The following NAALADL2 variants were observed in gnomAD, a reference collection of about 807,000 sequenced individuals.
The protein encoded by NAALADL2 is N-acetylated alpha-linked acidic dipeptidase like 2, also known as inactive N-acetylated-alpha-linked acidic dipeptidase-like protein 2.
NAALADL2 carries 76 observed loss-of-function variants against 87.2 expected under a neutral mutation model. That is an observed-to-expected ratio of 0.87 (90% confidence interval 0.72 to 1.05). NAALADL2 has a LOEUF of 1.05. NAALADL2 is among the 50% of genes least tolerant of loss of function. The probability of loss-of-function intolerance (pLI) is 0.00; values close to 1 mark genes in which losing one functional copy is unlikely to be tolerated. For missense variants in NAALADL2, 1,089 were observed against 945.8 expected (o/e 1.15, Z -1.99); for synonymous variants, 354 against 331.0 (o/e 1.07, Z -0.75).
chr3:175,467,133 T>C lies in NAALADL2; in HGVS notation c.1482T>C (p.Cys494=), dbSNP rs2149279723. Residue 494 remains cysteine, a synonymous_variant, in exon 8 of 14, where the codon TGT becomes TGC. Coordinates refer to ENST00000454872, the MANE Select transcript of NAALADL2 (RefSeq NM_207015.3). ...GWRPDRTIVF[C]SWGGTAFGNI... is the part of the protein sequence containing the mutation. The stretch of plus-strand genomic sequence containing the variant: ...GACCAGACCGAACTATTGTTTTCTG[T>C]TCTTGGGGAGGAACAGCTTTTGGCA... 6.2e-7 allele frequency: 1 copy of C among 1,613,908 alleles called. No homozygotes were observed. Among genetic ancestry groups the C allele is most frequent in the Non-Finnish European group, 8.5e-7 (1 of 1,179,840 alleles).
chr3:175,067,700 A>G (rs909158084), intron 1 of NAALADL2, among the ~76,000 whole-genome samples: 1 of 125,864 alleles, frequency 7.9e-6, no homozygotes, highest in African/African-American at 4.6e-5. Flanking sequence ...TCAAAGAACT[A>G]AAAGCAGAAC....
At chr3:175,288,113 A>G (rs9813863) in intron 4 of NAALADL2, among the ~76,000 whole-genome samples, 113,682 of 151,978 alleles carry the variant, frequency 0.75, 42,960 homozygotes, top group Non-Finnish European at 0.79. Context: ...CCAGAGTCTC[A>G]CTCCGTCTCC....
At chr3:174,974,763 C>T (rs1399045568) in intron 1 of NAALADL2, among the ~76,000 whole-genome samples, 1 of 151,832 alleles carries the variant, frequency 6.6e-6, no homozygotes, top group Non-Finnish European at 1.5e-5. Context: ...TCGGTCATTG[C>T]AGCTATTGAT....
At chr3:175,670,826 T>C (rs1733905945) in intron 11 of NAALADL2, among the ~76,000 whole-genome samples, 1 of 151,378 alleles carries the variant, frequency 6.6e-6, no homozygotes, top group African/African-American at 2.4e-5. Context: ...TGAAGAATGT[T>C]ATAAGTAAAA....
At chr3:174,992,817 G>A (rs73881586) in intron 1 of NAALADL2, among the ~76,000 whole-genome samples, 2,247 of 152,190 alleles carry the variant, frequency 0.015, 37 homozygotes, top group African/African-American at 0.051. Context: ...CTAGTCATCC[G>A]TGCATCTAAG....
At chr3:175,141,646 A>G (rs1730009966) in intron 2 of NAALADL2, among the ~76,000 whole-genome samples, 1 of 152,112 alleles carries the variant, frequency 6.6e-6, no homozygotes, top group Non-Finnish European at 1.5e-5. Flanking sequence ...TTTAGAGGAT[A>G]TCAGTTTAGA....
At chr3:174,681,298 G>A (rs1174149539) in intron 2 of NAALADL2, among the ~76,000 whole-genome samples, 1 of 152,152 alleles carries the variant, frequency 6.6e-6, no homozygotes, top group African/African-American at 2.4e-5. Context: ...AAGTGCTGAT[G>A]CTGTGTTAGG....
intron 1 of NAALADL2, among the ~76,000 whole-genome samples, chr3:175,088,128 T>C (rs959348431): frequency 6.6e-6 from 1 of 152,180 alleles, no homozygotes; most frequent in African/African-American, 2.4e-5. Flanking sequence ...GCAGTTAATC[T>C]AGAACTGAAT....
intron 3 of NAALADL2, among the ~76,000 whole-genome samples, chr3:174,800,087 T>G (rs1471485202): frequency 6.6e-6 from 1 of 152,118 alleles, no homozygotes; most frequent in African/African-American, 2.4e-5. Context: ...GGAAACAGCA[T>G]GAAAGTTTGG....
intron 1 of NAALADL2, among the ~76,000 whole-genome samples, chr3:174,511,013 G>A (rs1719566998): frequency 6.6e-6 from 1 of 151,794 alleles, no homozygotes; most frequent in African/African-American, 2.4e-5. Flanking sequence ...ATATATTTCT[G>A]TTACTGATTT....
At chr3:174,736,248 G>T (rs1733187856) in intron 2 of NAALADL2, among the ~76,000 whole-genome samples, 1 of 152,052 alleles carries the variant, frequency 6.6e-6, no homozygotes, top group African/African-American at 2.4e-5. Flanking sequence ...GGCGAGCAAG[G>T]GGCATGTTTC....
intron 1 of NAALADL2, among the ~76,000 whole-genome samples, chr3:175,026,319 G>T (rs78009497): frequency 0.23 from 35,280 of 151,430 alleles, 4,302 homozygotes; most frequent in African/African-American, 0.3. Flanking sequence ...AACAAATATT[G>T]TGCCACAAGT....
intron 2 of NAALADL2, among the ~76,000 whole-genome samples, chr3:175,201,551 C>G (rs761061755): frequency 1.3e-5 from 2 of 152,092 alleles, no homozygotes; most frequent in Non-Finnish European, 2.9e-5. Flanking sequence ...GACATTATAA[C>G]TAGGTTTGAC....
At chr3:174,975,834 A>C (rs1437585353) in intron 1 of NAALADL2, among the ~76,000 whole-genome samples, 1 of 152,186 alleles carries the variant, frequency 6.6e-6, no homozygotes, top group Non-Finnish European at 1.5e-5. Flanking sequence ...CTACAACCAC[A>C]AGGAACTAAA....
chr3:175,771,200 C>A (rs772975930), intron 13 of NAALADL2, among the ~76,000 whole-genome samples: 1 of 152,048 alleles, frequency 6.6e-6, no homozygotes, highest in Non-Finnish European at 1.5e-5. Context: ...TCCATAAAAT[C>A]ATATTTTCCA....
chr3:175,202,030 A>T (rs1258083278), intron 2 of NAALADL2, among the ~76,000 whole-genome samples: 1 of 152,130 alleles, frequency 6.6e-6, no homozygotes, highest in Non-Finnish European at 1.5e-5. Context: ...TCACAGCTCT[A>T]ACAAGGTCAT....
Position 174,891,899 on chromosome 3 carries a change from C to T in NAALADL2, c.43+32449C>T, listed in dbSNP as rs1164352500. On this transcript the variant is annotated intron_variant, in intron 1 of 13. Coordinates refer to ENST00000454872, the MANE Select transcript of NAALADL2 (RefSeq NM_207015.3). Reference sequence around the variant, plus strand: ...TCAAAGCTGCAAAAGAGACTTCTTCCTTCTGCTTGAGGAGAAGAGAGGGAA... The same window carrying T: ...TCAAAGCTGCAAAAGAGACTTCTTCTTTCTGCTTGAGGAGAAGAGAGGGAA... Among the ~76,000 whole-genome samples the T allele has an allele frequency of 3.3e-5, 5 of 152,072 alleles. No individual in the cohort carries two copies. The South Asian group carries it at 1.0e-3, about 32-fold the overall frequency.
chr3:175,110,259 C>G lies in NAALADL2; in HGVS notation c.545+12968C>G, dbSNP rs1295905134. Among the ~76,000 whole-genome samples, 4 of 151,708 alleles carry G rather than the reference C, an allele frequency of 2.6e-5. No homozygotes were observed. The South Asian group carries it at 8.3e-4, about 31-fold the overall frequency. Reference sequence around the variant, plus strand: ...TTCTTCATTTCATTTTAATCAGTTGCAATCATTTAAATTAGTTGAACTTTG... The same window carrying G: ...TTCTTCATTTCATTTTAATCAGTTGGAATCATTTAAATTAGTTGAACTTTG... On this transcript the variant is annotated intron_variant, in intron 2 of 13. Coordinates refer to ENST00000454872, the MANE Select transcript of NAALADL2 (RefSeq NM_207015.3).
At chr3:175,547,916 G>A (rs1015488059) in intron 9 of NAALADL2, among the ~76,000 whole-genome samples, 1 of 152,090 alleles carries the variant, frequency 6.6e-6, no homozygotes, top group African/African-American at 2.4e-5. Context: ...TGCTGGTGAG[G>A]TTGTAGAAAA....
Sources: gnomAD v4.1 joint callset for allele counts (sites outside exome capture counted in the v4.1 genomes callset) on GRCh38, gnomAD v4.1.1 for gene constraint, MANE v1.5 for transcripts, NCBI Gene and HGNC (gene_info 2026-07-23, HGNC 2026-07-21) for gene names.